HS6ST3: variants seen among roughly 807,000 people sequenced by gnomAD.
The protein encoded by HS6ST3 is heparan-sulfate 6-O-sulfotransferase 3.
HS6ST3 carries 12 observed loss-of-function variants against 36.7 expected under a neutral mutation model. The ratio of observed to expected loss-of-function variants is 0.33; its 90% confidence interval spans 0.21 to 0.53. HS6ST3 has a LOEUF of 0.53. HS6ST3 is among the 20% of genes least tolerant of loss of function. The pLI, the probability that HS6ST3 is intolerant of heterozygous loss-of-function variation, is 0.95. For synonymous variants in HS6ST3, 240 were observed against 257.5 expected, an observed-to-expected ratio of 0.93 and a Z score of 0.65; for missense variants, 584 against 640.9, an observed-to-expected ratio of 0.91 and a Z score of 0.96.
Position 96,595,353 on chromosome 13 carries a change from C to T in HS6ST3, c.708-237137C>T, listed in dbSNP as rs972089914. ...ACTTTGAATTTATCATCCCATTTCT[C>T]ATGACCTGTAAGATTTCTCCTGAGA... On this transcript the variant is annotated intron_variant, in intron 1 of 1. Transcript: ENST00000376705. 1.8e-4 allele frequency among the ~76,000 whole-genome samples: 27 copies of T among 152,156 alleles called. 1 individual carries two copies. The highest frequency in any genetic ancestry group is 6.0e-4 in the African/African-American group (25 of 41,430).
chr13:96,300,057 T>TC lies in HS6ST3; in HGVS notation c.707+208488_707+208489insC, dbSNP rs1325217243. 2.2e-5 allele frequency among the ~76,000 whole-genome samples: 3 copies of TC among 134,854 alleles called. No individual in the cohort carries two copies. The East Asian group carries it at 6.4e-4, about 29-fold the overall frequency. 88.5% of individuals were successfully genotyped at this position (134,854 alleles called of 152,430 possible). ...GGGAAAAGTGCTACACTTTTTTTTTTTTTTTTTTTTTTTTTTTGAGACAGA... is the reference window on the plus strand; with the variant it reads ...GGGAAAAGTGCTACACTTTTTTTTTTCTTTTTTTTTTTTTTTTTGAGACAGA... On this transcript the variant is annotated intron_variant, in intron 1 of 1. Transcript: ENST00000376705.
chr13:96,448,427 A>T (rs1164596), intron 1 of HS6ST3, among the ~76,000 whole-genome samples: 6 of 151,956 alleles, frequency 3.9e-5, no homozygotes, highest in African/African-American at 1.4e-4. Context: ...ATACTAAACC[A>T]AATGCACCGC....
chr13:96,265,886 A>G (rs1339328678), intron 1 of HS6ST3, among the ~76,000 whole-genome samples: 2 of 152,228 alleles, frequency 1.3e-5, no homozygotes, highest in Admixed American at 6.5e-5. Flanking sequence ...TCTGGCTTCA[A>G]TTCAAGTCTG....
chr13:96,424,913 T>A (rs2055578996), intron 1 of HS6ST3, among the ~76,000 whole-genome samples: 1 of 152,230 alleles, frequency 6.6e-6, no homozygotes, highest in Non-Finnish European at 1.5e-5. Flanking sequence ...GCCACTAACC[T>A]ACTATACACA....
intron 1 of HS6ST3, among the ~76,000 whole-genome samples, chr13:96,330,701 C>G (rs1426687729): frequency 1.3e-5 from 2 of 148,386 alleles, no homozygotes; most frequent in East Asian, 3.9e-4. Flanking sequence ...GTGGCGTTCT[C>G]TGTATTTCCT....
At chr13:96,352,843 A>G (rs1000611947) in intron 1 of HS6ST3, among the ~76,000 whole-genome samples, 11 of 152,158 alleles carry the variant, frequency 7.2e-5, no homozygotes, top group South Asian at 2.1e-4. Flanking sequence ...TATATCAGTT[A>G]TGCCTCCTGA....
intron 1 of HS6ST3, among the ~76,000 whole-genome samples, chr13:96,221,257 G>T (rs2054453770): frequency 6.6e-6 from 1 of 152,126 alleles, no homozygotes; most frequent in Non-Finnish European, 1.5e-5. Context: ...TATTTGTGTG[G>T]GGTACATATG....
At chr13:96,155,203 AT>A (rs1377206475) in intron 1 of HS6ST3, among the ~76,000 whole-genome samples, 2 of 152,228 alleles carry the variant, frequency 1.3e-5, no homozygotes, top group African/African-American at 2.4e-5. Flanking sequence ...TTTTATAAAA[AT>A]ATGTATGGAA....
At chr13:96,529,052 T>A (rs887040716) in intron 1 of HS6ST3, among the ~76,000 whole-genome samples, 1 of 152,168 alleles carries the variant, frequency 6.6e-6, no homozygotes, top group Admixed American at 6.5e-5. Flanking sequence ...ATTTCTAATA[T>A]GTATCATTTT....
chr13:96,181,461 T>C (rs958520141), intron 1 of HS6ST3, among the ~76,000 whole-genome samples: 2 of 152,220 alleles, frequency 1.3e-5, no homozygotes, highest in Non-Finnish European at 2.9e-5. Flanking sequence ...AATATTTTCC[T>C]GAGGAAAGGA....
Position 96,091,227 on chromosome 13 carries a change from G to A in HS6ST3, c.365G>A (p.Arg122Gln), listed in dbSNP as rs1445017268. The A allele has an allele frequency of 6.3e-7, 1 of 1,583,314 alleles. No individual in the cohort carries two copies. Among genetic ancestry groups the A allele is most frequent in the Admixed American group, 1.8e-5 (1 of 55,796 alleles). Reference sequence around the variant, plus strand: ...GCCCCGGAAAACGGCTCCCTGCCCCGATTCGTGCCGCGCTTCAACTTCAGC... The same window carrying A: ...GCCCCGGAAAACGGCTCCCTGCCCCAATTCGTGCCGCGCTTCAACTTCAGC... ...PEAPENGSLP[R>Q]FVPRFNFSLK... Residue 122 changes from arginine (R) to glutamine (Q), a missense_variant, in exon 1 of 2, where the codon CGA becomes CAA. By Grantham distance (43) the Arg-to-Gln change is conservative. This residue lies in a region of HS6ST3 where 217 missense variants were observed against 205.4 expected (regional missense o/e 1.06). Transcript: ENST00000376705.
intron 1 of HS6ST3, among the ~76,000 whole-genome samples, chr13:96,175,293 C>A (rs2054206952): frequency 6.6e-6 from 1 of 152,098 alleles, no homozygotes; most frequent in South Asian, 2.1e-4. Context: ...GGAGCGTGTG[C>A]ACTTTCCCAT....
intron 1 of HS6ST3, among the ~76,000 whole-genome samples, chr13:96,229,386 G>A (rs189846167): frequency 1.3e-5 from 2 of 152,236 alleles, no homozygotes; most frequent in Non-Finnish European, 2.9e-5. Context: ...TAAAAAACAG[G>A]CACTTATCTC....
chr13:96,218,383 C>A (rs2054437671), intron 1 of HS6ST3, among the ~76,000 whole-genome samples: 1 of 152,188 alleles, frequency 6.6e-6, no homozygotes, highest in African/African-American at 2.4e-5. Context: ...GTGGTCCTCA[C>A]AGGACAGCCT....
At chr13:96,538,360 A>C (rs550527219) in intron 1 of HS6ST3, among the ~76,000 whole-genome samples, 140 of 152,356 alleles carry the variant, frequency 9.2e-4, no homozygotes, top group African/African-American at 3.0e-3. Context: ...ATGCATTATA[A>C]ATTTACTAAC....
chr13:96,543,949 G>A (rs2056187691), intron 1 of HS6ST3, among the ~76,000 whole-genome samples: 1 of 138,834 alleles, frequency 7.2e-6, no homozygotes, highest in Admixed American at 6.9e-5. Flanking sequence ...GATATGATGG[G>A]GAGATATATA....
At chr13:96,323,487 T>C (rs1057493602) in intron 1 of HS6ST3, among the ~76,000 whole-genome samples, 6 of 152,216 alleles carry the variant, frequency 3.9e-5, no homozygotes, top group Non-Finnish European at 8.8e-5. Flanking sequence ...TCACCTTTGC[T>C]TTCTTGAACT....
intron 1 of HS6ST3, among the ~76,000 whole-genome samples, chr13:96,652,087 G>C (rs1456938530): frequency 6.6e-6 from 1 of 151,848 alleles, no homozygotes; most frequent in Admixed American, 6.6e-5. Context: ...ATATAATATA[G>C]TTGTGTAATA....
chr13:96,803,228 C>T (rs1204573227), intron 1 of HS6ST3, among the ~76,000 whole-genome samples: 4 of 152,146 alleles, frequency 2.6e-5, no homozygotes, highest in Admixed American at 1.3e-4. Flanking sequence ...ATTTCAAGTC[C>T]TCTTACCATC....
Sources: gnomAD v4.1 joint callset for allele counts (sites outside exome capture counted in the v4.1 genomes callset) on GRCh38, gnomAD v4.1.1 for gene constraint, gnomAD v4.1.1 regional missense constraint, MANE v1.5 for transcripts, NCBI Gene and HGNC (gene_info 2026-07-23, HGNC 2026-07-21) for gene names.